Variants in TBX15 observed in about 807,000 individuals in gnomAD.
TBX15 encodes the protein T-box transcription factor TBX15.
Under a neutral mutation model 53.9 loss-of-function variants are expected in TBX15, and 18 were observed. The observed-to-expected ratio is 0.33, with a 90% confidence interval of 0.23 to 0.49. The LOEUF (loss-of-function observed/expected upper bound fraction) is 0.49, where lower values mean the gene tolerates loss of function less well. Ranked by LOEUF, TBX15 falls within the 20% of genes least tolerant of loss-of-function variation. TBX15 has a pLI of 0.98. For missense variants in TBX15, 692 were observed against 749.5 expected (o/e 0.92, Z 0.90); for synonymous variants, 295 against 278.0 (o/e 1.06, Z -0.61).
chr1:118,968,524 T>C (rs1657127869), intron 1 of TBX15, among the ~76,000 whole-genome samples: 1 of 152,162 alleles, frequency 6.6e-6, no homozygotes, highest in Admixed American at 6.5e-5. Flanking sequence ...GTCTGAGGAA[T>C]TTTCTGAAAA....
At chr1:118,986,897 A>G (rs1657858381) in intron 1 of TBX15, among the ~76,000 whole-genome samples, 1 of 152,214 alleles carries the variant, frequency 6.6e-6, no homozygotes, top group Non-Finnish European at 1.5e-5. Context: ...GTTAAAATAC[A>G]GACATGACAT....
chr1:118,923,723 G>T, intron 4 of TBX15, 120 bp from the exon 5 acceptor site: 1 of 1,219,966 alleles, frequency 8.2e-7, no homozygotes, highest in Non-Finnish European at 1.2e-6. Flanking sequence ...GAGGTGAGAT[G>T]TACAGAAAAC....
At chr1:118,911,149 C>T (rs1655013999) in intron 6 of TBX15, among the ~76,000 whole-genome samples, 1 of 152,166 alleles carries the variant, frequency 6.6e-6, no homozygotes, top group East Asian at 1.9e-4. Flanking sequence ...ATACCTGCTC[C>T]AGCTTTACTT....
intron 7 of TBX15, among the ~76,000 whole-genome samples, chr1:118,893,533 A>AGAAG (rs1654276325): frequency 4.8e-5 from 6 of 123,798 alleles, no homozygotes; most frequent in Non-Finnish European, 8.4e-5. Flanking sequence ...AAAGAAGGAA[A>AGAAG]GAAAGATGGA....
chr1:118,907,126 C>T (rs1452942071), intron 6 of TBX15, among the ~76,000 whole-genome samples: 1 of 152,156 alleles, frequency 6.6e-6, no homozygotes, highest in Non-Finnish European at 1.5e-5. Context: ...CACTTGGGCC[C>T]TATCATGGGA....
intron 5 of TBX15, among the ~76,000 whole-genome samples, chr1:118,919,144 G>C (rs1009559009): frequency 9.2e-5 from 14 of 152,138 alleles, no homozygotes; most frequent in African/African-American, 3.4e-4. Context: ...AAATAAGACT[G>C]TGTTACCTGG....
chr1:118,944,782 T>A (rs1656295171), intron 1 of TBX15, among the ~76,000 whole-genome samples: 1 of 152,200 alleles, frequency 6.6e-6, no homozygotes, highest in African/African-American at 2.4e-5. Context: ...CAGTTCAGCA[T>A]CTGTCATGAT....
intron 6 of TBX15, among the ~76,000 whole-genome samples, chr1:118,907,947 A>C (rs894713780): frequency 9.2e-5 from 14 of 152,196 alleles, no homozygotes; most frequent in African/African-American, 3.4e-4. Context: ...ACCCAGAGCC[A>C]GATCAGAGGG....
At chr1:118,959,859 A>G (rs1367102867) in intron 1 of TBX15, among the ~76,000 whole-genome samples, 3 of 152,174 alleles carry the variant, frequency 2.0e-5, no homozygotes, top group African/African-American at 4.8e-5. Flanking sequence ...TCCTCCTTGT[A>G]CAGACACCTG....
In TBX15 at chr1:118,890,767, A is replaced by G. The variant is rs1416303689; in HGVS notation, c.1025-5251T>C. On this transcript the variant is annotated intron_variant, in intron 7 of 7. Transcript: ENST00000369429. Reference sequence around the variant, plus strand: ...GCTTTCACATACAGTTTCTTTTTCAATTTATTTTGCTGTGCTTTTCTCCCT... The same window carrying G: ...GCTTTCACATACAGTTTCTTTTTCAGTTTATTTTGCTGTGCTTTTCTCCCT... The G allele has an allele frequency of 1.6e-4, 96 of 609,576 alleles. 1 individual carries two copies. In the South Asian group the frequency reaches 1.6e-3, roughly 10 times the overall value. The allele number at this position is 609,576 out of a possible 1,614,324, so 37.8% of individuals were successfully genotyped here.
chr1:118,883,383 A>G lies in TBX15; in HGVS notation c.*1349T>C, dbSNP rs758837822. ...AGGGAAAGGGAAAGATGAAGGACAA[A>G]ACCCAAAACTTCAAAATGCAATGTA... On this transcript the variant is annotated 3_prime_UTR_variant, in exon 8 of 8. Transcript: ENST00000369429. 7.9e-5 allele frequency: 12 copies of G among 152,596 alleles called. No homozygotes were observed. Among genetic ancestry groups the G allele is most frequent in the Non-Finnish European group, 1.5e-4 (10 of 68,044 alleles). The allele number at this position is 152,596 out of a possible 1,614,324, so 9.5% of individuals were successfully genotyped here.
At chr1:118,976,396 T>A (rs975803336) in intron 1 of TBX15, among the ~76,000 whole-genome samples, 5 of 152,218 alleles carry the variant, frequency 3.3e-5, no homozygotes, top group African/African-American at 1.2e-4. Flanking sequence ...TTTCCCAGAA[T>A]CCTGGGGGTA....
At chr1:118,896,742 G>A (rs1429494420) in intron 7 of TBX15, among the ~76,000 whole-genome samples, 1 of 152,082 alleles carries the variant, frequency 6.6e-6, no homozygotes, top group African/African-American at 2.4e-5. Flanking sequence ...AGCATGCATG[G>A]CTGTGTCTCT....
intron 3 of TBX15, 60 bp downstream of exon 3, chr1:118,926,450 G>T: frequency 1.4e-6 from 2 of 1,446,998 alleles, no homozygotes; most frequent in Non-Finnish European, 9.7e-7. Flanking sequence ...TAAGGAGTTT[G>T]AAGAATTGTC....
intron 1 of TBX15, among the ~76,000 whole-genome samples, chr1:118,967,224 C>T (rs564225336): frequency 1.4e-4 from 22 of 152,302 alleles, no homozygotes; most frequent in Non-Finnish European, 2.5e-4. Flanking sequence ...GACCTCGAGA[C>T]ACCTACATTA....
At chr1:118,947,245 T>C (rs753182856) in intron 1 of TBX15, among the ~76,000 whole-genome samples, 1 of 152,232 alleles carries the variant, frequency 6.6e-6, no homozygotes, top group Non-Finnish European at 1.5e-5. Flanking sequence ...AACATTTTGG[T>C]GAGCTCAGTT....
chr1:118,963,115 A>AG, intron 1 of TBX15, among the ~76,000 whole-genome samples: 1 of 152,240 alleles, frequency 6.6e-6, no homozygotes, highest in South Asian at 2.1e-4. Flanking sequence ...TTGTTGAAAA[A>AG]GAAAAGTAGA....
chr1:118,956,351 C>T (rs12028514), intron 1 of TBX15, among the ~76,000 whole-genome samples: 9,595 of 152,070 alleles, frequency 0.063, 438 homozygotes, highest in East Asian at 0.2. Flanking sequence ...CAGATCGTAT[C>T]AATGCATGCG....
Position 118,884,528 on chromosome 1 carries a change from G to C in TBX15, c.*204C>G. On this transcript the variant is annotated 3_prime_UTR_variant, in exon 8 of 8. Transcript: ENST00000369429. ...GGGAAGGCAGAAGAATGGCCACTGAGTTGCGGATGATTCTATCGCAAGTAT... is the reference window on the plus strand; with the variant it reads ...GGGAAGGCAGAAGAATGGCCACTGACTTGCGGATGATTCTATCGCAAGTAT... The C allele has an allele frequency of 1.6e-6, 1 of 642,668 alleles. No individual in the cohort carries two copies. The highest frequency in any genetic ancestry group is 2.0e-5 in the South Asian group (1 of 49,538). The allele number at this position is 642,668 out of a possible 1,614,324, so 39.8% of individuals were successfully genotyped here.
Sources: allele counts gnomAD v4.1 joint callset (sites outside exome capture counted in the v4.1 genomes callset), GRCh38; gene constraint gnomAD v4.1.1; transcripts MANE v1.5; gene names NCBI Gene and HGNC (gene_info 2026-07-23, HGNC 2026-07-21).